The following CDH13 variants were observed in gnomAD, a reference collection of about 807,000 sequenced individuals.
CDH13 encodes cadherin-13.
Under a neutral mutation model 63.8 loss-of-function variants are expected in CDH13, and 24 were observed. That is an observed-to-expected ratio of 0.38 (90% CI 0.27 to 0.53). The LOEUF is 0.53. Ranked by LOEUF, CDH13 falls within the 20% of genes least tolerant of loss-of-function variation. The probability of loss-of-function intolerance (pLI) is 0.85; values close to 1 mark genes in which losing one functional copy is unlikely to be tolerated. For synonymous variants in CDH13, 503 were observed against 355.3 expected, an observed-to-expected ratio of 1.42 and a Z score of -4.67; for missense variants, 1,049 against 903.1, an observed-to-expected ratio of 1.16 and a Z score of -2.07.
chr16:83,680,154 T>A (rs1915289518), intron 10 of CDH13, among the ~76,000 whole-genome samples: 1 of 152,110 alleles, frequency 6.6e-6, no homozygotes, highest in African/African-American at 2.4e-5. Context: ...AGGCTCTAGG[T>A]CACAGGAACA....
intron 2 of CDH13, among the ~76,000 whole-genome samples, chr16:82,912,451 C>A (rs1307343810): frequency 6.6e-6 from 1 of 152,202 alleles, no homozygotes; most frequent in Non-Finnish European, 1.5e-5. Flanking sequence ...CGGCCCTTCC[C>A]CCAGATGACT....
At chr16:83,099,184 A>C (rs1313236114) in intron 3 of CDH13, among the ~76,000 whole-genome samples, 1 of 152,182 alleles carries the variant, frequency 6.6e-6, no homozygotes, top group Admixed American at 6.5e-5. Flanking sequence ...ATATATTAGA[A>C]TATATATTTG....
At chr16:83,437,821 G>T (rs1174779343) in intron 6 of CDH13, among the ~76,000 whole-genome samples, 1 of 152,156 alleles carries the variant, frequency 6.6e-6, no homozygotes, top group African/African-American at 2.4e-5. Context: ...TTTGGCCAAA[G>T]GGTAGAAATT....
At chr16:83,049,384 G>C (rs947619512) in intron 3 of CDH13, among the ~76,000 whole-genome samples, 1 of 142,426 alleles carries the variant, frequency 7.0e-6, no homozygotes, top group Non-Finnish European at 1.5e-5. Context: ...GTTGGGGTTG[G>C]AGTGCAGTGG....
At chr16:83,221,954 G>C (rs2039712976) in intron 5 of CDH13, among the ~76,000 whole-genome samples, 1 of 152,202 alleles carries the variant, frequency 6.6e-6, no homozygotes, top group Admixed American at 6.5e-5. Context: ...TGATGAATTA[G>C]ATGAGGGCTA....
chr16:83,438,009 C>T (rs1222842270), intron 6 of CDH13, among the ~76,000 whole-genome samples: 1 of 152,168 alleles, frequency 6.6e-6, no homozygotes, highest in Non-Finnish European at 1.5e-5. Flanking sequence ...CTCTCTGCTT[C>T]AGCCACCCAC....
intron 7 of CDH13, among the ~76,000 whole-genome samples, chr16:83,549,309 T>C (rs1311459729): frequency 6.6e-6 from 1 of 152,192 alleles, no homozygotes; most frequent in Non-Finnish European, 1.5e-5. Flanking sequence ...CTCTCATTCT[T>C]CTTTTGTGCA....
At chr16:83,465,617 G>A (rs1005555815) in intron 6 of CDH13, among the ~76,000 whole-genome samples, 1 of 152,218 alleles carries the variant, frequency 6.6e-6, no homozygotes, top group Non-Finnish European at 1.5e-5. Flanking sequence ...GATGCTTGAT[G>A]CCTGTGTCGT....
At chr16:82,876,802 G>C (rs1395249087) in intron 2 of CDH13, among the ~76,000 whole-genome samples, 1 of 152,216 alleles carries the variant, frequency 6.6e-6, no homozygotes, top group Non-Finnish European at 1.5e-5. Context: ...ACTAGGGACT[G>C]TAAACAAACA....
chr16:83,659,804 T>TTTTA (rs1913274397), intron 8 of CDH13, among the ~76,000 whole-genome samples: 1 of 141,422 alleles, frequency 7.1e-6, no homozygotes, highest in African/African-American at 2.7e-5. Context: ...TTTTTTTTTT[T>TTTTA]GAGATGGAGT....
intron 6 of CDH13, among the ~76,000 whole-genome samples, chr16:83,349,705 A>C (rs1484345488): frequency 6.6e-6 from 1 of 151,884 alleles, no homozygotes; most frequent in Non-Finnish European, 1.5e-5. Context: ...CATTCAAGCA[A>C]TTCTCCTGCC....
At chr16:82,817,955 ATATATG>A (rs1452353375) in intron 1 of CDH13, among the ~76,000 whole-genome samples, 2 of 152,228 alleles carry the variant, frequency 1.3e-5, no homozygotes, top group African/African-American at 2.4e-5. Context: ...ATGTATATAT[ATATATG>A]TATGTATACA....
At chr16:83,417,150 A>G (rs974083923) in intron 6 of CDH13, among the ~76,000 whole-genome samples, 1 of 152,160 alleles carries the variant, frequency 6.6e-6, no homozygotes, top group African/African-American at 2.4e-5. Context: ...AAGGACACAC[A>G]GTTTCCCCAA....
chr16:83,142,090 G>A (rs2036555143), intron 4 of CDH13, among the ~76,000 whole-genome samples: 1 of 151,946 alleles, frequency 6.6e-6, no homozygotes, highest in Non-Finnish European at 1.5e-5. Context: ...ACCGAAACGG[G>A]CTATCTGGTG....
chr16:82,639,082 C>G (rs1018281869), intron 1 of CDH13, among the ~76,000 whole-genome samples: 1 of 152,176 alleles, frequency 6.6e-6, no homozygotes, highest in Non-Finnish European at 1.5e-5. Flanking sequence ...CGTCTTTATT[C>G]CTGTGCATAT....
intron 1 of CDH13, among the ~76,000 whole-genome samples, chr16:82,642,423 G>C (rs1468096655): frequency 2.0e-5 from 3 of 152,180 alleles, no homozygotes; most frequent in Non-Finnish European, 4.4e-5. Context: ...AATGTACAGG[G>C]CATAATAAAG....
At chr16:83,776,018 C>T (rs926652378) in intron 11 of CDH13, among the ~76,000 whole-genome samples, 2 of 152,032 alleles carry the variant, frequency 1.3e-5, no homozygotes, top group Admixed American at 6.6e-5. Context: ...TTCTCTATCC[C>T]GTGCATAGAA....
chr16:83,061,572 A>G (rs1207237681), intron 3 of CDH13, among the ~76,000 whole-genome samples: 2 of 152,150 alleles, frequency 1.3e-5, no homozygotes, highest in African/African-American at 4.8e-5. Context: ...CTATGTCCTG[A>G]ATGACCAGCA....
chr16:83,525,837 T>C (rs556788299), intron 7 of CDH13, among the ~76,000 whole-genome samples: 55 of 152,220 alleles, frequency 3.6e-4, no homozygotes, highest in African/African-American at 1.3e-3. Context: ...ACGGGACAGA[T>C]TGCAGCATAA....
Sources: allele counts gnomAD v4.1 joint callset (sites outside exome capture counted in the v4.1 genomes callset), GRCh38; gene constraint gnomAD v4.1.1; transcripts MANE v1.5; gene names NCBI Gene and HGNC (gene_info 2026-07-23, HGNC 2026-07-21).